ZNF736: variants seen among roughly 807,000 people sequenced by gnomAD.
ZNF736 encodes the protein zinc finger protein 736, also known as KRAB-containing zinc-finger repressor protein.
Under a neutral mutation model 11.7 loss-of-function variants are expected in ZNF736, and 6 were observed. The ratio of observed to expected loss-of-function variants is 0.51; its 90% CI spans 0.28 to 1.01. ZNF736 has a LOEUF of 1.01. ZNF736 is among the 50% of genes least tolerant of loss of function. The probability of loss-of-function intolerance (pLI) is 0.09; values close to 1 mark genes in which losing one functional copy is unlikely to be tolerated. For synonymous variants in ZNF736, 139 were observed against 164.7 expected (o/e 0.84, Z 1.19); for missense variants, 444 against 496.0 (o/e 0.90, Z 1.00).
At position 64,348,321 on chromosome 7, in the gene ZNF736, G is replaced by A; in HGVS notation, c.458G>A (p.Gly153Asp). The A allele has an allele frequency of 1.3e-6, 2 of 1,551,674 alleles. No individual in the cohort carries two copies. Among genetic ancestry groups the A allele is most frequent in the Admixed American group, 2.0e-5 (1 of 50,998 alleles). ...TGTCAATGTAATAAATGTGGCAGAG[G>A]TTTTCAGTTGTGCTCAATCTTCACT... The part of the protein sequence containing the change: ...KTCQCNKCGR[G>D]FQLCSIFTEH... The change falls in exon 4 of 4, where the codon GGT (glycine) becomes GAT (aspartate). Residue 153 changes from glycine to aspartate, a missense_variant. Gly to Asp is a moderately conservative substitution (Grantham distance 94). Coordinates refer to ENST00000423484, the MANE Select transcript of ZNF736 (RefSeq NM_001170905.3).
intron 1 of ZNF736, among the ~76,000 whole-genome samples, chr7:64,321,755 GT>G (rs1164938762): frequency 2.0e-5 from 3 of 152,124 alleles, no homozygotes; most frequent in Non-Finnish European, 4.4e-5. Flanking sequence ...ATGTTGGATG[GT>G]TGGGGGTGTC....
chr7:64,345,299 G>A (rs146148541), intron 3 of ZNF736, among the ~76,000 whole-genome samples: 3,870 of 151,690 alleles, frequency 0.026, 159 homozygotes, highest in African/African-American at 0.088. Flanking sequence ...TGGGATTACA[G>A]GCGTGAACCA....
rs1407491607 is a variant in ZNF736, at chr7:64,348,728, G to C, written c.865G>C (p.Glu289Gln). ...TGGAGAGAAACCCTACAAATGTGAA[G>C]AATGTAACAAAGCCTATAGGTGGTT... ...HTGEKPYKCE[E>Q]CNKAYRWFSD... Residue 289 changes from glutamate (E) to glutamine (Q), a missense_variant, in exon 4 of 4, where the codon GAA becomes CAA. Physicochemically the swap from Glu to Gln is conservative, Grantham distance 29 (BLOSUM62 2). Coordinates refer to ENST00000423484, the MANE Select transcript of ZNF736 (RefSeq NM_001170905.3). 6.2e-7 allele frequency: 1 copy of C among 1,606,438 alleles called. No homozygotes were observed. Among genetic ancestry groups the C allele is most frequent in the Non-Finnish European group, 8.5e-7 (1 of 1,176,422 alleles).
At chr7:64,331,435 G>A (rs996001895) in intron 1 of ZNF736, among the ~76,000 whole-genome samples, 2 of 152,186 alleles carry the variant, frequency 1.3e-5, no homozygotes, top group Non-Finnish European at 2.9e-5. Context: ...AGGGAATGGA[G>A]GAGGGCTGCT....
intron 1 of ZNF736, among the ~76,000 whole-genome samples, chr7:64,316,769 A>G (rs1307240834): frequency 6.6e-6 from 1 of 152,240 alleles, no homozygotes; most frequent in East Asian, 1.9e-4. Context: ...AAAAGAAAAG[A>G]GGTAGATTTT....
intron 1 of ZNF736, among the ~76,000 whole-genome samples, chr7:64,327,272 A>C (rs1359618489): frequency 6.6e-6 from 1 of 152,140 alleles, no homozygotes; most frequent in Non-Finnish European, 1.5e-5. Context: ...CTTTATTATA[A>C]TAACTTTGGT....
At chr7:64,319,730 C>T (rs1331226783) in intron 1 of ZNF736, among the ~76,000 whole-genome samples, 2 of 151,724 alleles carry the variant, frequency 1.3e-5, no homozygotes, top group African/African-American at 4.8e-5. Flanking sequence ...CTCCTGACCT[C>T]GTGATCTGCC....
At chr7:64,318,018 A>G (rs1182103803) in intron 1 of ZNF736, among the ~76,000 whole-genome samples, 1 of 151,966 alleles carries the variant, frequency 6.6e-6, no homozygotes, top group Non-Finnish European at 1.5e-5. Flanking sequence ...AATCTTGGGC[A>G]GAATTTTAAT....
At chr7:64,340,803 G>A (rs1227677272) in intron 3 of ZNF736, among the ~76,000 whole-genome samples, 3 of 152,028 alleles carry the variant, frequency 2.0e-5, no homozygotes, top group Non-Finnish European at 4.4e-5. Flanking sequence ...CTTTATTGTT[G>A]TCTTATTTTT....
rs1562678022 is a variant in ZNF736 at position 64,349,858 on chromosome 7, T to G, written c.*711T>G. ...ATGAAATTCTGTGTTGGAATTCTTT[T>G]TTTAAGAATGTTGAATATTGGCCCC... is the stretch of plus-strand genomic sequence containing the variant. On this transcript the variant is annotated 3_prime_UTR_variant, in exon 4 of 4. Transcript: ENST00000423484. The G allele has an allele frequency of 6.6e-6, 1 of 152,288 alleles. No homozygotes were observed. The allele number at this position is 152,288 out of a possible 1,614,324, so 9.4% of individuals were successfully genotyped here.
chr7:64,335,716 T>C (rs1033534826), intron 1 of ZNF736, among the ~76,000 whole-genome samples: 1 of 152,228 alleles, frequency 6.6e-6, no homozygotes, highest in African/African-American at 2.4e-5. Flanking sequence ...CTTTCTTTAC[T>C]GGTCAAATAA....
chr7:64,332,932 G>C (rs553825226), intron 1 of ZNF736, among the ~76,000 whole-genome samples: 2 of 152,108 alleles, frequency 1.3e-5, no homozygotes, highest in East Asian at 3.9e-4. Flanking sequence ...CTGTTATTCT[G>C]TTCTTCTTCA....
intron 3 of ZNF736, among the ~76,000 whole-genome samples, chr7:64,346,926 A>G (rs796166508): frequency 4.8e-4 from 73 of 151,676 alleles, no homozygotes; most frequent in African/African-American, 1.7e-3. Flanking sequence ...TAAAAAATAG[A>G]TCAAGACTTT....
Position 64,356,254 on chromosome 7 carries a change from A to G in ZNF736, c.*7107A>G, listed in dbSNP as rs893736621. The G allele has an allele frequency of 1.3e-5, 2 of 152,292 alleles. No homozygotes were observed. The highest frequency in any genetic ancestry group is 4.8e-5 in the African/African-American group (2 of 41,572). 9.4% of individuals were successfully genotyped at this position (152,292 alleles called of 1,614,324 possible). A position where few individuals can be genotyped will look rare whatever the true frequency, so the allele number is the denominator to read the frequency against. On this transcript the variant is annotated 3_prime_UTR_variant, in exon 4 of 4. Coordinates refer to ENST00000423484, the MANE Select transcript of ZNF736 (RefSeq NM_001170905.3). Reference sequence around the variant, plus strand: ...TTTTTGTGGGTAATTTAGCCAGTAAATTTAATCTTATTTCTTTAATCTTTA... The same window carrying G: ...TTTTTGTGGGTAATTTAGCCAGTAAGTTTAATCTTATTTCTTTAATCTTTA...
At chr7:64,317,124 G>T (rs1294826566) in intron 1 of ZNF736, among the ~76,000 whole-genome samples, 1 of 152,156 alleles carries the variant, frequency 6.6e-6, no homozygotes, top group East Asian at 1.9e-4. Context: ...AAGTATTTAT[G>T]TGTACACAAT....
At chr7:64,341,732 T>G (rs1789341172) in intron 3 of ZNF736, among the ~76,000 whole-genome samples, 1 of 152,156 alleles carries the variant, frequency 6.6e-6, no homozygotes, top group East Asian at 1.9e-4. Flanking sequence ...GTTGATTGTG[T>G]TTTACTTAGA....
At chr7:64,331,369 C>T (rs1296091385) in intron 1 of ZNF736, among the ~76,000 whole-genome samples, 10 of 152,186 alleles carry the variant, frequency 6.6e-5, no homozygotes, top group Non-Finnish European at 1.3e-4. Flanking sequence ...TCACAATCAC[C>T]GCACTCTCCC....
At chr7:64,330,485 G>T (rs1248111649) in intron 1 of ZNF736, among the ~76,000 whole-genome samples, 1 of 151,920 alleles carries the variant, frequency 6.6e-6, no homozygotes, top group Admixed American at 6.6e-5. Context: ...CTGACCTAGG[G>T]TGGTTCCAGA....
intron 1 of ZNF736, among the ~76,000 whole-genome samples, chr7:64,318,194 CTT>C (rs892464297): frequency 6.6e-6 from 1 of 151,700 alleles, no homozygotes; most frequent in African/African-American, 2.4e-5. Flanking sequence ...ATCTAAATAT[CTT>C]TGGTTTCTGT....
Sources: allele counts gnomAD v4.1 joint callset (sites outside exome capture counted in the v4.1 genomes callset), GRCh38; gene constraint gnomAD v4.1.1; transcripts MANE v1.5; gene names NCBI Gene and HGNC (gene_info 2026-07-23, HGNC 2026-07-21).